The following AHCTF1 variants were observed in gnomAD, a reference collection of about 807,000 sequenced individuals.
The protein encoded by AHCTF1 is protein ELYS.
In AHCTF1, 24 loss-of-function variants were observed where a neutral mutation model predicts 248.4. The observed-to-expected ratio is 0.10, with a 90% confidence interval of 0.07 to 0.14. AHCTF1 has a LOEUF of 0.14. AHCTF1 is among the 10% of genes least tolerant of loss of function. The pLI, the probability that AHCTF1 is intolerant of heterozygous loss-of-function variation, is 1.00. For synonymous variants in AHCTF1, 786 were observed against 929.8 expected (o/e 0.85, Z 2.81); for missense variants, 2,206 against 2,636.2 (o/e 0.84, Z 3.57).
At chr1:246,923,983 C>T (rs1391684897) in intron 1 of AHCTF1, among the ~76,000 whole-genome samples, 2 of 152,016 alleles carry the variant, frequency 1.3e-5, no homozygotes, top group African/African-American at 2.4e-5. Flanking sequence ...AAGGTGAAGG[C>T]CCAAAGGCGT....
rs762889999 is a variant in AHCTF1, at chr1:246,913,223, A to G, written c.556+9T>C. 6.3e-7 allele frequency: 1 copy of G among 1,579,378 alleles called. No homozygotes were observed. Among genetic ancestry groups the G allele is most frequent in the Admixed American group, 1.7e-5 (1 of 57,440 alleles). On this transcript the variant is annotated intron_variant, in intron 4 of 35. Coordinates refer to ENST00000648844, the MANE Select transcript of AHCTF1 (RefSeq NM_001323342.2). ...CTCCATTTTTGGTTTCAAGTAAAGAACTGATTACCTGATGCTTCAACTTCA... is the reference window on the plus strand; with the variant it reads ...CTCCATTTTTGGTTTCAAGTAAAGAGCTGATTACCTGATGCTTCAACTTCA...
chr1:246,860,825 T>C, intron 29 of AHCTF1, 74 bp downstream of exon 29: 1 of 1,534,910 alleles, frequency 6.5e-7, no homozygotes, highest in Non-Finnish European at 8.8e-7. Flanking sequence ...TTTCTTATGG[T>C]GGAAAAAATT....
chr1:246,931,204 G>A, intron 1 of AHCTF1: 3 of 1,550,288 alleles, frequency 1.9e-6, no homozygotes, highest in Non-Finnish European at 1.7e-6. Flanking sequence ...TTCCCTCGGG[G>A]AAAGGCCCGC....
chr1:246,931,105 T>A (rs1189415025), intron 1 of AHCTF1: 2 of 1,547,522 alleles, frequency 1.3e-6, no homozygotes, highest in Admixed American at 4.0e-5. Context: ...CGAGTCCAAC[T>A]TCTTCCCCGC....
chr1:246,848,213 A>C (rs1488325899), intron 33 of AHCTF1, among the ~76,000 whole-genome samples: 2 of 152,024 alleles, frequency 1.3e-5, no homozygotes, highest in East Asian at 3.9e-4. Flanking sequence ...TATCAGTACA[A>C]CAAGTCATCT....
intron 1 of AHCTF1, chr1:246,931,040 T>C (rs1667313786): frequency 6.8e-7 from 1 of 1,469,934 alleles, no homozygotes; most frequent in Non-Finnish European, 9.1e-7. Context: ...GTGCTTTTAT[T>C]TTAAATCTCC....
rs183003094 is a variant in AHCTF1, at chr1:246,848,033, C to A, written c.6391+1582G>T. On this transcript the variant is annotated intron_variant, in intron 33 of 35. Transcript: ENST00000648844. ...TCCTCCATGCAAAACATAGGTCTAA[C>A]CACACTTTTCTAACACTGTGAAGAA... is the stretch of plus-strand genomic sequence containing the variant. Among the ~76,000 whole-genome samples the A allele has an allele frequency of 9.4e-4, 143 of 152,246 alleles. 2 individuals carry two copies. Among genetic ancestry groups the A allele is most frequent in the Admixed American group, 9.2e-3 (141 of 15,288 alleles).
intron 4 of AHCTF1, among the ~76,000 whole-genome samples, chr1:246,912,443 A>T (rs1269487990): frequency 9.2e-5 from 14 of 151,824 alleles, no homozygotes; most frequent in Non-Finnish European, 1.9e-4. Context: ...GGATTACGCC[A>T]CTGCACTCCA....
At chr1:246,889,169 T>C (rs558463322) in intron 17 of AHCTF1, among the ~76,000 whole-genome samples, 1 of 152,324 alleles carries the variant, frequency 6.6e-6, no homozygotes, top group African/African-American at 2.4e-5. Flanking sequence ...GTTTCATCAC[T>C]TGGGTTAGTC....
intron 29 of AHCTF1, among the ~76,000 whole-genome samples, chr1:246,858,105 G>T (rs910014430): frequency 6.6e-6 from 1 of 151,756 alleles, no homozygotes; most frequent in Non-Finnish European, 1.5e-5. Context: ...CACTACAGAT[G>T]CCCGCCACCA....
At chr1:246,891,725 T>C in intron 15 of AHCTF1, 54 bp downstream of exon 15, 5 of 1,574,016 alleles carry the variant, frequency 3.2e-6, no homozygotes, top group Non-Finnish European at 4.3e-6. Flanking sequence ...TCGTTTCTCT[T>C]AGTCAAGAAG....
intron 4 of AHCTF1, among the ~76,000 whole-genome samples, chr1:246,909,675 T>C (rs1297674835): frequency 6.6e-6 from 1 of 152,196 alleles, no homozygotes; most frequent in Non-Finnish European, 1.5e-5. Context: ...TTCCTTTAAA[T>C]GAAGAGGTCA....
intron 23 of AHCTF1, 97 bp downstream of exon 23, chr1:246,876,853 A>C: frequency 7.0e-7 from 1 of 1,423,736 alleles, no homozygotes; most frequent in Non-Finnish European, 9.6e-7. Flanking sequence ...TGCTAGGCAC[A>C]GTGGTTACCA....
At chr1:246,842,267 T>C (rs1417468530) in intron 35 of AHCTF1, among the ~76,000 whole-genome samples, 1 of 151,906 alleles carries the variant, frequency 6.6e-6, no homozygotes, top group Non-Finnish European at 1.5e-5. Flanking sequence ...AAATCTAATT[T>C]TGAGAAAAAA....
chr1:246,883,950 A>G (rs1663634550), intron 21 of AHCTF1, among the ~76,000 whole-genome samples: 1 of 152,128 alleles, frequency 6.6e-6, no homozygotes, highest in Admixed American at 6.5e-5. Flanking sequence ...CAAAAGGAGG[A>G]AAAAAACCTT....
rs568562904 is a variant in AHCTF1 at position 246,899,224 on chromosome 1, C to T, written c.1494+227G>A. On this transcript the variant is annotated intron_variant, in intron 11 of 35. Transcript: ENST00000648844. Reference sequence around the variant, plus strand: ...GAGGAGACAGAAAGCTTGAGGTTCACGTAGCTAGCATCTACATAAATTAGT... The same window carrying T: ...GAGGAGACAGAAAGCTTGAGGTTCATGTAGCTAGCATCTACATAAATTAGT... 1.4e-4 allele frequency among the ~76,000 whole-genome samples: 22 copies of T among 152,166 alleles called. No individual in the cohort carries two copies. In the South Asian group the frequency reaches 3.5e-3, roughly 24 times the overall value.
chr1:246,919,115 T>C (rs1666345732), intron 1 of AHCTF1, among the ~76,000 whole-genome samples: 1 of 152,150 alleles, frequency 6.6e-6, no homozygotes, highest in Non-Finnish European at 1.5e-5. Flanking sequence ...TACAGAAAGA[T>C]TTTAGCCATC....
Position 246,900,159 on chromosome 1 carries a change from C to G in AHCTF1, c.1338G>C (p.Leu446Phe), listed in dbSNP as rs1461794336. The change falls in exon 10 of 36, where the codon TTG becomes TTC. Residue 446 changes from leucine to phenylalanine, a missense_variant. Coordinates refer to ENST00000648844, the MANE Select transcript of AHCTF1 (RefSeq NM_001323342.2). ...VVSRTSPHGI[L>F]DILVHERSLN... ...AACTTCTCTCATGTACTAATATATC[C>G]AAGATGCCATGTGGAGAAGTCCTAC... 6.2e-7 allele frequency: 1 copy of G among 1,610,182 alleles called. No homozygotes were observed. The highest frequency in any genetic ancestry group is 1.7e-5 in the Admixed American group (1 of 59,208).
intron 35 of AHCTF1, 60 bp downstream of exon 35, chr1:246,842,634 G>A: frequency 1.5e-6 from 2 of 1,361,842 alleles, no homozygotes; most frequent in East Asian, 2.3e-5. Flanking sequence ...TAGTAGGGTG[G>A]GGACAGAGCG....
Sources: allele counts gnomAD v4.1 joint callset (sites outside exome capture counted in the v4.1 genomes callset), GRCh38; gene constraint gnomAD v4.1.1; transcripts MANE v1.5; gene names NCBI Gene and HGNC (gene_info 2026-07-23, HGNC 2026-07-21).